Variants in CTNNA1 observed in about 807,000 individuals in gnomAD.
CTNNA1 encodes catenin alpha-1.
CTNNA1 carries 37 observed loss-of-function variants against 98.4 expected under a neutral mutation model. The ratio of observed to expected loss-of-function variants is 0.38; its 90% CI spans 0.29 to 0.49. CTNNA1 has a LOEUF of 0.49. Among genes scored for constraint, CTNNA1 ranks in the 20% least tolerant of loss-of-function variants. CTNNA1 has a pLI of 0.95. For synonymous variants in CTNNA1, 404 were observed against 413.2 expected (o/e 0.98, Z 0.27); for missense variants, 761 against 1,147.2 (o/e 0.66, Z 4.86).
At chr5:138,866,681 G>A (rs1173975633) in intron 7 of CTNNA1, among the ~76,000 whole-genome samples, 3 of 152,106 alleles carry the variant, frequency 2.0e-5, no homozygotes, top group Non-Finnish European at 2.9e-5. Context: ...TGTAGGCTTC[G>A]CAGGATAGGA....
At chr5:138,832,643 AT>A (rs1761375663) in intron 7 of CTNNA1, among the ~76,000 whole-genome samples, 1 of 152,190 alleles carries the variant, frequency 6.6e-6, no homozygotes, top group African/African-American at 2.4e-5. Flanking sequence ...TACTATTAGC[AT>A]TTAGGGATAT....
Position 138,874,729 on chromosome 5 carries a change from C to T in CTNNA1, c.1063-11483C>T, listed in dbSNP as rs891157456. Among the ~76,000 whole-genome samples the T allele has an allele frequency of 6.6e-6, 1 of 152,116 alleles. No individual in the cohort carries two copies. The highest frequency in any genetic ancestry group is 2.1e-4 in the South Asian group (1 of 4,826). ...CCTTATTGGTATGACTGGACCAAAACTTAAGCCATTTAAAAAGAAGATAAA... is the reference window on the plus strand; with the variant it reads ...CCTTATTGGTATGACTGGACCAAAATTTAAGCCATTTAAAAAGAAGATAAA... On this transcript the variant is annotated intron_variant, in intron 7 of 17. Coordinates refer to ENST00000302763, the MANE Select transcript of CTNNA1 (RefSeq NM_001903.5). This position sits in a 1 kb window ranked among gnomAD's most constrained non-coding sequence, Gnocchi z 4.1.
chr5:138,792,443 A>G (rs1756483411), intron 3 of CTNNA1, among the ~76,000 whole-genome samples: 2 of 152,198 alleles, frequency 1.3e-5, no homozygotes, highest in Non-Finnish European at 2.9e-5. Flanking sequence ...GGCAGCCTGG[A>G]AGATAGATGT....
Position 138,924,716 on chromosome 5 carries a change from G to A in CTNNA1, c.1747+6G>A, listed in dbSNP as rs1166299159. 1.3e-6 allele frequency: 2 copies of A among 1,560,458 alleles called. No individual in the cohort carries two copies. Among genetic ancestry groups the A allele is most frequent in the Non-Finnish European group, 1.7e-6 (2 of 1,152,190 alleles). ...TAAGCTGCTCTCCAACACAGGTACG[G>A]GAACTCTCCCTTTCCAGTGCTCGCA... On this transcript the variant is annotated splice_donor_region_variant and intron_variant, in intron 12 of 17. Coordinates refer to ENST00000302763, the MANE Select transcript of CTNNA1 (RefSeq NM_001903.5).
chr5:138,808,654 A>G lies in CTNNA1; in HGVS notation c.302-1384A>G, dbSNP rs558299725. Among the ~76,000 whole-genome samples, 14 of 149,948 alleles carry G rather than the reference A, an allele frequency of 9.3e-5. 1 individual carries two copies. In the East Asian group the frequency reaches 2.4e-3, roughly 26 times the overall value. ...AAAGATGATAGCTAGGAGAAATTTG[A>G]TAGGTCTGTTGAGAAATAGCTAGTC... On this transcript the variant is annotated intron_variant, in intron 3 of 17. Transcript: ENST00000302763.
intron 10 of CTNNA1, among the ~76,000 whole-genome samples, chr5:138,907,965 C>T (rs75477538): frequency 0.021 from 3,137 of 150,852 alleles, 59 homozygotes; most frequent in Non-Finnish European, 0.034. Flanking sequence ...GCCCCCCATC[C>T]GCCCTTTTTT....
At chr5:138,909,782 G>A (rs1319420751) in intron 10 of CTNNA1, among the ~76,000 whole-genome samples, 2 of 151,974 alleles carry the variant, frequency 1.3e-5, no homozygotes, top group African/African-American at 2.4e-5. Context: ...CATATTTGTG[G>A]CTGACATGCT....
chr5:138,905,229 G>T (rs1222295288), intron 10 of CTNNA1, among the ~76,000 whole-genome samples: 2 of 152,154 alleles, frequency 1.3e-5, no homozygotes, highest in African/African-American at 4.8e-5. Context: ...GGCAAAGGTT[G>T]CAGTGAGCCG....
intron 16 of CTNNA1, chr5:138,931,503 C>G: frequency 1.4e-6 from 1 of 740,714 alleles, no homozygotes; most frequent in Non-Finnish European, 1.6e-6. Context: ...ATCTAGGCCA[C>G]AGGATGTGTG....
intron 1 of CTNNA1, among the ~76,000 whole-genome samples, chr5:138,765,443 A>G (rs957023804): frequency 2.0e-5 from 3 of 151,944 alleles, no homozygotes; most frequent in African/African-American, 2.4e-5. Flanking sequence ...CTTCCTCCCA[A>G]TGTGCTGGGA....
At chr5:138,828,844 CT>C (rs1760982564) in intron 7 of CTNNA1, among the ~76,000 whole-genome samples, 1 of 152,234 alleles carries the variant, frequency 6.6e-6, no homozygotes, top group Non-Finnish European at 1.5e-5. Flanking sequence ...CCATTGCCCC[CT>C]GGGCATGATG....
chr5:138,906,663 G>T (rs1385035411), intron 10 of CTNNA1, among the ~76,000 whole-genome samples: 1 of 152,164 alleles, frequency 6.6e-6, no homozygotes, highest in East Asian at 1.9e-4. Context: ...AAAGCAATGT[G>T]TCTTCCTCTC....
chr5:138,931,590 T>G, intron 16 of CTNNA1: 1 of 984,964 alleles, frequency 1.0e-6, no homozygotes, highest in South Asian at 4.7e-5. Context: ...TAGGGCCTAT[T>G]GCTTCCATTG....
intron 9 of CTNNA1, among the ~76,000 whole-genome samples, chr5:138,895,087 T>C (rs1436093550): frequency 2.0e-5 from 3 of 152,204 alleles, no homozygotes; most frequent in African/African-American, 7.2e-5. Flanking sequence ...ATATAAGTTA[T>C]CTGAGGACAT....
chr5:138,811,779 G>A (rs1437519742), intron 4 of CTNNA1, among the ~76,000 whole-genome samples: 3 of 152,178 alleles, frequency 2.0e-5, no homozygotes, highest in Non-Finnish European at 4.4e-5. Flanking sequence ...CCAGTCAGGC[G>A]TGGCAGCGCA....
intron 1 of CTNNA1, among the ~76,000 whole-genome samples, chr5:138,757,426 G>A (rs961082480): frequency 1.3e-5 from 2 of 152,088 alleles, no homozygotes; most frequent in East Asian, 3.9e-4. Flanking sequence ...CTATGATCAT[G>A]CCCCTGCACT....
chr5:138,832,803 T>G (rs1761398137), intron 7 of CTNNA1, among the ~76,000 whole-genome samples: 1 of 152,226 alleles, frequency 6.6e-6, no homozygotes, highest in Admixed American at 6.5e-5. Flanking sequence ...GTCTGCTGTC[T>G]GGTTAATGGG....
At chr5:138,772,645 CAT>C (rs1040815966) in intron 1 of CTNNA1, among the ~76,000 whole-genome samples, 1 of 152,180 alleles carries the variant, frequency 6.6e-6, no homozygotes, top group Non-Finnish European at 1.5e-5. Context: ...TATAAAGAAA[CAT>C]AGGCATGGTT....
At chr5:138,853,347 CTGTT>C (rs1254479460) in intron 7 of CTNNA1, among the ~76,000 whole-genome samples, 8 of 151,982 alleles carry the variant, frequency 5.3e-5, no homozygotes, top group Non-Finnish European at 5.9e-5. Context: ...TATGAAGTGT[CTGTT>C]TGTATTCTTT....
Sources: gnomAD v4.1 joint callset for allele counts (sites outside exome capture counted in the v4.1 genomes callset) on GRCh38, gnomAD v4.1.1 for gene constraint, Gnocchi (gnomAD v3.1) non-coding constraint, MANE v1.5 for transcripts, NCBI Gene and HGNC (gene_info 2026-07-23, HGNC 2026-07-21) for gene names.